IGF2BP2: variants seen among roughly 807,000 people sequenced by gnomAD.
IGF2BP2 encodes the protein insulin like growth factor 2 mRNA binding protein 2, also known as insulin-like growth factor 2 mRNA-binding protein 2.
Under a neutral mutation model 75.8 loss-of-function variants are expected in IGF2BP2, and 17 were observed. The ratio of observed to expected loss-of-function variants is 0.22; its 90% confidence interval spans 0.15 to 0.34. The LOEUF (loss-of-function observed/expected upper bound fraction) is 0.34, where lower values mean the gene tolerates loss of function less well. IGF2BP2 is among the 10% of genes least tolerant of loss of function. The pLI is 1.00. For synonymous variants in IGF2BP2, 288 were observed against 295.6 expected (o/e 0.97, Z 0.26); for missense variants, 516 against 772.4 (o/e 0.67, Z 3.93).
At chr3:185,805,823 G>C (rs1485084279) in intron 2 of IGF2BP2, among the ~76,000 whole-genome samples, 2 of 150,168 alleles carry the variant, frequency 1.3e-5, no homozygotes, top group East Asian at 2.0e-4. Context: ...CCAGGCTGGA[G>C]TGCAGTGGCG....
intron 7 of IGF2BP2, among the ~76,000 whole-genome samples, chr3:185,680,832 AGG>A (rs59832641): frequency 6.6e-6 from 1 of 152,050 alleles, no homozygotes; most frequent in African/African-American, 2.4e-5. Flanking sequence ...AACAGAAAGA[AGG>A]GGGGGGAACT....
intron 2 of IGF2BP2, among the ~76,000 whole-genome samples, chr3:185,763,946 G>A (rs1732717525): frequency 6.6e-6 from 1 of 152,044 alleles, no homozygotes; most frequent in Non-Finnish European, 1.5e-5. Flanking sequence ...GGTGACAGTG[G>A]GTAACTCCGT....
intron 2 of IGF2BP2, among the ~76,000 whole-genome samples, chr3:185,774,777 G>A (rs1734328476): frequency 6.6e-6 from 1 of 151,992 alleles, no homozygotes; most frequent in African/African-American, 2.4e-5. Flanking sequence ...ACCAAGGTGG[G>A]CAGATCACAA....
chr3:185,812,272 A>G (rs1448060131), intron 2 of IGF2BP2, among the ~76,000 whole-genome samples: 1 of 152,174 alleles, frequency 6.6e-6, no homozygotes, highest in Non-Finnish European at 1.5e-5. Flanking sequence ...TTTTCGATGA[A>G]TGAATGGGTC....
chr3:185,709,492 G>A (rs1724502518), intron 2 of IGF2BP2, among the ~76,000 whole-genome samples: 1 of 152,200 alleles, frequency 6.6e-6, no homozygotes, highest in Admixed American at 6.5e-5. Flanking sequence ...TCGACTGTAA[G>A]AGGAACACGT....
chr3:185,677,251 T>C (rs374563370), intron 7 of IGF2BP2, among the ~76,000 whole-genome samples: 8 of 151,700 alleles, frequency 5.3e-5, no homozygotes, highest in African/African-American at 1.7e-4. Flanking sequence ...GGATTATGCA[T>C]ACAACATTTT....
At chr3:185,767,612 G>C (rs974411116) in intron 2 of IGF2BP2, among the ~76,000 whole-genome samples, 1 of 151,946 alleles carries the variant, frequency 6.6e-6, no homozygotes, top group African/African-American at 2.4e-5. Flanking sequence ...TGTCTTACCA[G>C]TACAGTAATA....
intron 2 of IGF2BP2, among the ~76,000 whole-genome samples, chr3:185,730,882 TC>T (rs1728073091): frequency 1.3e-5 from 2 of 152,194 alleles, no homozygotes; most frequent in Admixed American, 1.3e-4. Context: ...CACCCCAACA[TC>T]TGTTGTTTTT....
intron 2 of IGF2BP2, among the ~76,000 whole-genome samples, chr3:185,735,025 A>G (rs772131749): frequency 1.3e-5 from 2 of 152,224 alleles, no homozygotes; most frequent in African/African-American, 2.4e-5. Context: ...GGCAGTCCTT[A>G]CTCTAAAAGG....
At chr3:185,659,740 T>C (rs1275368224) in intron 10 of IGF2BP2, among the ~76,000 whole-genome samples, 1 of 152,120 alleles carries the variant, frequency 6.6e-6, no homozygotes, top group Non-Finnish European at 1.5e-5. Flanking sequence ...TTTGTGTCTA[T>C]TCATAAACTC....
chr3:185,794,281 A>ATGAGATAG, intron 2 of IGF2BP2, among the ~76,000 whole-genome samples: 3 of 132,782 alleles, frequency 2.3e-5, no homozygotes, highest in Non-Finnish European at 4.8e-5. Flanking sequence ...CAGATCCTAG[A>ATGAGATAG]GACCCGGGCT....
chr3:185,651,273 T>C (rs1219701981), intron 13 of IGF2BP2, among the ~76,000 whole-genome samples: 1 of 152,256 alleles, frequency 6.6e-6, no homozygotes, highest in African/African-American at 2.4e-5. Flanking sequence ...TGTTGCACCA[T>C]GCATCAGTAC....
intron 7 of IGF2BP2, among the ~76,000 whole-genome samples, chr3:185,684,576 TG>T (rs986311853): frequency 3.3e-5 from 5 of 152,278 alleles, no homozygotes; most frequent in Non-Finnish European, 5.9e-5. Context: ...AGCTAATTTT[TG>T]TATTTTTAGT....
intron 2 of IGF2BP2, chr3:185,716,356 T>C: frequency 4.8e-6 from 2 of 420,310 alleles, no homozygotes; most frequent in East Asian, 1.1e-4. Flanking sequence ...ATTTGCCTTT[T>C]GGTCTACAAT....
chr3:185,792,891 CCCACA>C (rs1736844747), intron 2 of IGF2BP2, among the ~76,000 whole-genome samples: 1 of 152,030 alleles, frequency 6.6e-6, no homozygotes, highest in Non-Finnish European at 1.5e-5. Flanking sequence ...CATGACAGTT[CCCACA>C]CCACACAAGA....
At chr3:185,736,335 C>A (rs1044581612) in intron 2 of IGF2BP2, among the ~76,000 whole-genome samples, 2 of 152,196 alleles carry the variant, frequency 1.3e-5, no homozygotes, top group Admixed American at 6.5e-5. Flanking sequence ...TTTAAGACTG[C>A]CCTCTAAATT....
chr3:185,675,430 A>C lies in IGF2BP2; in HGVS notation c.937T>G (p.Leu313Val). ...ETGTKITISS[L>V]QDLSIYNPER... is the part of the protein sequence containing the mutation. ...GGGTTGTATATGCTCAAATCCTGCA[A>C]ACTGACCCATGAGAAGAAAAGAGAA... Residue 313 changes from leucine (L) to valine (V), a missense_variant and splice_region_variant, in exon 9 of 16, where the codon TTG becomes GTG. Physicochemically the swap from Leu to Val is conservative, Grantham distance 32. Transcript: ENST00000382199. The C allele has an allele frequency of 6.2e-7, 1 of 1,605,286 alleles. No individual in the cohort carries two copies. Among genetic ancestry groups the C allele is most frequent in the Non-Finnish European group, 8.5e-7 (1 of 1,178,080 alleles).
intron 2 of IGF2BP2, among the ~76,000 whole-genome samples, chr3:185,804,887 G>T (rs1186158341): frequency 6.6e-6 from 1 of 151,870 alleles, no homozygotes; most frequent in South Asian, 2.1e-4. Flanking sequence ...CAGCTACTCG[G>T]GAGGCTGAGG....
chr3:185,801,416 G>A (rs1738244946), intron 2 of IGF2BP2, among the ~76,000 whole-genome samples: 1 of 151,012 alleles, frequency 6.6e-6, no homozygotes. Context: ...TTGAACCCAG[G>A]AGGCGGAGGT....
Sources: allele counts gnomAD v4.1 joint callset (sites outside exome capture counted in the v4.1 genomes callset), GRCh38; gene constraint gnomAD v4.1.1; transcripts MANE v1.5; gene names NCBI Gene and HGNC (gene_info 2026-07-23, HGNC 2026-07-21).